KPNA6: variants seen among roughly 807,000 people sequenced by gnomAD.
The protein encoded by KPNA6 is importin subunit alpha-7.
A neutral mutation model predicts 72.0 loss-of-function variants in KPNA6; 9 were observed. That is an observed-to-expected ratio of 0.13 (90% confidence interval 0.08 to 0.22). The LOEUF (loss-of-function observed/expected upper bound fraction) is 0.22, where lower values mean the gene tolerates loss of function less well. KPNA6 is among the 10% of genes least tolerant of loss of function. The pLI, the probability that KPNA6 is intolerant of heterozygous loss-of-function variation, is 1.00. For synonymous variants in KPNA6, 219 were observed against 242.1 expected, an observed-to-expected ratio of 0.90 and a Z score of 0.89; for missense variants, 374 against 655.7, an observed-to-expected ratio of 0.57 and a Z score of 4.69.
chr1:32,124,813 G>C (rs1477527340), intron 1 of KPNA6, among the ~76,000 whole-genome samples: 1 of 145,330 alleles, frequency 6.9e-6, no homozygotes, highest in African/African-American at 2.5e-5. Context: ...GGCCGGCCTC[G>C]TCTTTTTTTA....
At chr1:32,163,373 C>A in intron 10 of KPNA6, 60 bp downstream of exon 10, 2 of 1,250,510 alleles carry the variant, frequency 1.6e-6, no homozygotes, top group Non-Finnish European at 1.2e-6. Context: ...TGGAGAGCTG[C>A]CAGTGGACAA....
At chr1:32,170,119 A>C in intron 13 of KPNA6, 59 bp downstream of exon 13, 1 of 1,461,832 alleles carries the variant, frequency 6.8e-7, no homozygotes, top group Non-Finnish European at 9.5e-7. Flanking sequence ...CCAACGTGGT[A>C]TACATATGTT....
intron 1 of KPNA6, among the ~76,000 whole-genome samples, chr1:32,145,666 A>C (rs544028783): frequency 6.6e-6 from 1 of 152,172 alleles, no homozygotes; most frequent in Non-Finnish European, 1.5e-5. Context: ...AATATTCTCT[A>C]TACAATGAAA....
At chr1:32,124,797 G>A (rs1247369032) in intron 1 of KPNA6, among the ~76,000 whole-genome samples, 3 of 136,426 alleles carry the variant, frequency 2.2e-5, no homozygotes, top group African/African-American at 5.4e-5. Context: ...GTGAGCCAAC[G>A]TGTTCGGCCG....
chr1:32,149,386 A>AT lies in KPNA6; in HGVS notation c.5-5197dup, dbSNP rs1363977161. ...TGGGCTTCCTGAGGGATGGTTTCCTATTTTTATAAAATTATTTAAAATAGA... is the reference window on the plus strand; with the variant it reads ...TGGGCTTCCTGAGGGATGGTTTCCTATTTTTTATAAAATTATTTAAAATAGA... On this transcript the variant is annotated intron_variant, in intron 1 of 13. Transcript: ENST00000373625. Among the ~76,000 whole-genome samples, 5 of 152,100 alleles carry AT rather than the reference A, an allele frequency of 3.3e-5. No homozygotes were observed. In the East Asian group the frequency reaches 9.6e-4, roughly 29 times the overall value.
At chr1:32,140,159 C>T (rs1466927743) in intron 1 of KPNA6, among the ~76,000 whole-genome samples, 4 of 151,976 alleles carry the variant, frequency 2.6e-5, no homozygotes, top group African/African-American at 9.7e-5. Flanking sequence ...CCGAGGCAGG[C>T]GGATCACAAG....
intron 1 of KPNA6, among the ~76,000 whole-genome samples, chr1:32,132,192 A>T (rs1024453106): frequency 1.3e-5 from 2 of 152,098 alleles, no homozygotes; most frequent in African/African-American, 2.4e-5. Context: ...GCTGGTCTTG[A>T]ACTCCTGACC....
intron 1 of KPNA6, among the ~76,000 whole-genome samples, chr1:32,122,421 TC>T (rs1433116846): frequency 6.7e-6 from 1 of 149,726 alleles, no homozygotes; most frequent in Non-Finnish European, 1.5e-5. Flanking sequence ...GAATTTAGCA[TC>T]ATGTACTTGG....
rs1642313805 is a variant in KPNA6, at chr1:32,165,398, G to A, written c.991-707G>A. On this transcript the variant is annotated intron_variant, in intron 10 of 13. Coordinates refer to ENST00000373625, the MANE Select transcript of KPNA6 (RefSeq NM_012316.5). ...CAGTTTTTCATTTTGATTAAGTCCA[G>A]TTTACCTGGGCCAGGTGCAGTGGCT... is the stretch of plus-strand genomic sequence containing the variant. 2.0e-5 allele frequency among the ~76,000 whole-genome samples: 3 copies of A among 151,896 alleles called. No individual in the cohort carries two copies. The South Asian group carries it at 6.2e-4, about 32-fold the overall frequency.
intron 1 of KPNA6, among the ~76,000 whole-genome samples, chr1:32,139,759 A>G (rs759353429): frequency 1.3e-5 from 2 of 152,210 alleles, no homozygotes; most frequent in South Asian, 4.1e-4. Context: ...TTGCAGATAC[A>G]TACTGAAATG....
rs1642491176 is a variant in KPNA6, at chr1:32,174,337, G to A, written c.*3443G>A. 1 of 152,164 alleles carries A rather than the reference G, an allele frequency of 6.6e-6. No individual in the cohort carries two copies. Among genetic ancestry groups the A allele is most frequent in the African/African-American group, 2.4e-5 (1 of 41,408 alleles). The allele number at this position is 152,164 out of a possible 1,614,324, so 9.4% of individuals were successfully genotyped here. A position where few individuals can be genotyped will look rare whatever the true frequency, so the allele number is the denominator to read the frequency against. On this transcript the variant is annotated 3_prime_UTR_variant, in exon 14 of 14. Coordinates refer to ENST00000373625, the MANE Select transcript of KPNA6 (RefSeq NM_012316.5). ...ATAGCTGCTATTGTACTTAAATAAGGGAGAGGAAAAGAAGGTTCTCAGGCA... is the reference window on the plus strand; with the variant it reads ...ATAGCTGCTATTGTACTTAAATAAGAGAGAGGAAAAGAAGGTTCTCAGGCA...
intron 1 of KPNA6, among the ~76,000 whole-genome samples, chr1:32,124,032 CAAAAAAAA>C (rs771086945): frequency 7.0e-5 from 3 of 43,126 alleles, no homozygotes; most frequent in Admixed American, 2.5e-4. Flanking sequence ...GACTCTGTCT[CAAAAAAAA>C]AAAAAAAAAA....
chr1:32,124,276 A>G (rs974297402), intron 1 of KPNA6, among the ~76,000 whole-genome samples: 4 of 151,548 alleles, frequency 2.6e-5, no homozygotes, highest in African/African-American at 9.7e-5. Context: ...TTGAGGGTGA[A>G]GTGGGAGGAT....
At chr1:32,160,442 A>G (rs1642217613) in intron 6 of KPNA6, among the ~76,000 whole-genome samples, 173 bp from the exon 7 acceptor site, 1 of 152,192 alleles carries the variant, frequency 6.6e-6, no homozygotes, top group Non-Finnish European at 1.5e-5. Flanking sequence ...AGGTCATTGT[A>G]GAACAAGTGC....
At chr1:32,169,756 G>A (rs1023233516) in intron 12 of KPNA6, 126 bp from the exon 13 acceptor site, 41 of 823,454 alleles carry the variant, frequency 5.0e-5, no homozygotes, top group South Asian at 4.0e-4. Flanking sequence ...CACCGCGCTC[G>A]GCCTCACAAT....
intron 1 of KPNA6, among the ~76,000 whole-genome samples, chr1:32,114,998 G>A (rs781269964): frequency 5.9e-5 from 9 of 151,840 alleles, no homozygotes; most frequent in Non-Finnish European, 7.4e-5. Flanking sequence ...GTGCCACCAC[G>A]CCCAGAACAT....
intron 1 of KPNA6, among the ~76,000 whole-genome samples, chr1:32,114,451 A>AAAAAAAAAAAT (rs982175711): frequency 6.9e-6 from 1 of 145,524 alleles, no homozygotes; most frequent in African/African-American, 2.5e-5. Context: ...CAAAAAAAAA[A>AAAAAAAAAAAT]ATATATATAT....
chr1:32,143,747 A>G (rs1641883338), intron 1 of KPNA6, among the ~76,000 whole-genome samples: 1 of 152,106 alleles, frequency 6.6e-6, no homozygotes, highest in African/African-American at 2.4e-5. Context: ...GTACCCACTA[A>G]GCGATAACTC....
chr1:32,154,873 C>G (rs1642108074), intron 2 of KPNA6, 152 bp downstream of exon 2: 1 of 701,474 alleles, frequency 1.4e-6, no homozygotes, highest in Non-Finnish European at 2.3e-6. Flanking sequence ...TTTGGGAGGC[C>G]AAGGCAGGCA....
Sources: gnomAD v4.1 joint callset for allele counts (sites outside exome capture counted in the v4.1 genomes callset) on GRCh38, gnomAD v4.1.1 for gene constraint, MANE v1.5 for transcripts, NCBI Gene and HGNC (gene_info 2026-07-23, HGNC 2026-07-21) for gene names.